Variants in ZNF423 observed in about 807,000 individuals in gnomAD.
The protein encoded by ZNF423 is Ebf-associated zinc finger protein.
Under a neutral mutation model 95.8 loss-of-function variants are expected in ZNF423, and 12 were observed. The ratio of observed to expected loss-of-function variants is 0.13; its 90% CI spans 0.08 to 0.20. ZNF423 has a LOEUF of 0.20. Ranked by LOEUF, ZNF423 falls within the 10% of genes least tolerant of loss-of-function variation. ZNF423 has a pLI of 1.00. For synonymous variants in ZNF423, 749 were observed against 711.9 expected (o/e 1.05, Z -0.83); for missense variants, 1,316 against 1,737.1 (o/e 0.76, Z 4.31).
chr16:49,649,169 G>A (rs1286330898), intron 3 of ZNF423, among the ~76,000 whole-genome samples: 2 of 152,136 alleles, frequency 1.3e-5, no homozygotes, highest in Non-Finnish European at 2.9e-5. Flanking sequence ...GGGGAAAAAA[G>A]GGATGACTAA....
At chr16:49,677,235 A>G (rs974943604) in intron 3 of ZNF423, among the ~76,000 whole-genome samples, 1 of 13,504 alleles carries the variant, frequency 7.4e-5, no homozygotes, top group East Asian at 2.9e-3. Context: ...AGAAAAGAGA[A>G]GAGAAGAGAA....
At chr16:49,531,689 C>T (rs1276854885) in intron 5 of ZNF423, among the ~76,000 whole-genome samples, 3 of 152,138 alleles carry the variant, frequency 2.0e-5, no homozygotes, top group Non-Finnish European at 1.5e-5. Flanking sequence ...GAGAGAGTGA[C>T]ATTTAGGCTG....
intron 3 of ZNF423, among the ~76,000 whole-genome samples, chr16:49,660,530 A>T (rs757277195): frequency 6.6e-6 from 1 of 152,160 alleles, no homozygotes; most frequent in Non-Finnish European, 1.5e-5. Flanking sequence ...TATAAGCCTG[A>T]CCTGACCACC....
intron 7 of ZNF423, among the ~76,000 whole-genome samples, chr16:49,498,564 G>C (rs929243293): frequency 6.6e-6 from 1 of 152,182 alleles, no homozygotes; most frequent in Non-Finnish European, 1.5e-5. Context: ...TGGAGTTACA[G>C]GAGAGGCAAG....
chr16:49,626,358 C>A, intron 4 of ZNF423, 104 bp from the exon 5 acceptor site: 3 of 987,648 alleles, frequency 3.0e-6, no homozygotes, highest in South Asian at 1.4e-5. Context: ...CAGAATGGTT[C>A]CAGTCCCCTC....
chr16:49,583,896 T>G (rs1210134541), intron 5 of ZNF423, among the ~76,000 whole-genome samples: 1 of 152,200 alleles, frequency 6.6e-6, no homozygotes, highest in East Asian at 1.9e-4. Flanking sequence ...TTCTTTTAAA[T>G]TATGGACTGG....
intron 2 of ZNF423, among the ~76,000 whole-genome samples, chr16:49,782,425 GACGGTTCCTATTAACCAGAGCAAGAAGA>G (rs2034227263): frequency 2.0e-5 from 3 of 152,240 alleles, no homozygotes; most frequent in African/African-American, 7.2e-5. Flanking sequence ...AAATGGGAGT[GACGGTTCCTATTAACCAGAGCAAGAAGA>G]CCTGTCCCAT....
intron 1 of ZNF423, among the ~76,000 whole-genome samples, chr16:49,841,569 G>C (rs2035183022): frequency 6.6e-6 from 1 of 152,096 alleles, no homozygotes; most frequent in South Asian, 2.1e-4. Flanking sequence ...CCATCCCTCA[G>C]GGACCAAATA....
chr16:49,815,874 AAAAAAAAATATATATATATATAT>A (rs1567356033), intron 1 of ZNF423, among the ~76,000 whole-genome samples: 7 of 60,362 alleles, frequency 1.2e-4, no homozygotes, highest in African/African-American at 2.3e-4. Context: ...AACAAACAAA[AAAAAAAAATATATATATATATAT>A]ATATATATAT....
chr16:49,741,542 C>T (rs538385855), intron 2 of ZNF423, among the ~76,000 whole-genome samples: 2 of 152,142 alleles, frequency 1.3e-5, no homozygotes, highest in South Asian at 2.1e-4. Flanking sequence ...GGAAATCCAC[C>T]GTTCTCTATA....
At position 49,517,326 on chromosome 16, in the gene ZNF423, G is replaced by T. The variant is rs368019658; in HGVS notation, c.3849+6298C>A. ...CCCCTGTTCTGAGTTGGCGCCCACT[G>T]CCAAAAGTCTTGGAGCCACCTGAAG... On this transcript the variant is annotated intron_variant, in intron 7 of 7. Transcript: ENST00000563137. 2.6e-5 allele frequency among the ~76,000 whole-genome samples: 4 copies of T among 152,304 alleles called. No individual in the cohort carries two copies. The East Asian group carries it at 7.7e-4, about 29-fold the overall frequency.
rs549360653 is a variant in ZNF423 at position 49,719,589 on chromosome 16, C to T, written c.301+11182G>A. Among the ~76,000 whole-genome samples, 14 of 152,128 alleles carry T rather than the reference C, an allele frequency of 9.2e-5. No individual in the cohort carries two copies. The South Asian group carries it at 2.9e-3, about 32-fold the overall frequency. ...GATTAGATCATGGGGGCAGATTTCC[C>T]CCTTGCTGTGCTGGTGATGAGTGAG... On this transcript the variant is annotated intron_variant, in intron 3 of 7. Transcript: ENST00000563137.
At chr16:49,681,843 G>A (rs965723993) in intron 3 of ZNF423, among the ~76,000 whole-genome samples, 4 of 152,192 alleles carry the variant, frequency 2.6e-5, no homozygotes, top group East Asian at 1.9e-4. Context: ...ATGGTTCACT[G>A]CAGCCTCCAC....
At chr16:49,644,658 CAAAAAAAAAAAAAAAAAAAAAAAA>C (rs56066766) in intron 3 of ZNF423, among the ~76,000 whole-genome samples, 2 of 39,566 alleles carry the variant, frequency 5.1e-5, no homozygotes, top group East Asian at 1.3e-3. Flanking sequence ...AACTCTGACT[CAAAAAAAAAAAAAAAAAAAAAAAA>C]AAAAAAAAAA....
intron 5 of ZNF423, among the ~76,000 whole-genome samples, chr16:49,557,740 C>A (rs145180225): frequency 6.6e-6 from 1 of 152,164 alleles, no homozygotes. Context: ...ATGAAGGCCT[C>A]AAGGATGGTA....
intron 5 of ZNF423, among the ~76,000 whole-genome samples, chr16:49,587,813 C>T (rs1402861857): frequency 6.6e-6 from 1 of 152,088 alleles, no homozygotes; most frequent in East Asian, 1.9e-4. Flanking sequence ...GTACTTATCA[C>T]CTAAGAATTA....
intron 5 of ZNF423, among the ~76,000 whole-genome samples, chr16:49,600,194 C>T (rs1462391725): frequency 6.6e-6 from 1 of 151,984 alleles, no homozygotes; most frequent in African/African-American, 2.4e-5. Flanking sequence ...TGCCTGTAAT[C>T]CCAGCTACTC....
At chr16:49,649,974 G>A (rs981844875) in intron 3 of ZNF423, among the ~76,000 whole-genome samples, 2 of 152,182 alleles carry the variant, frequency 1.3e-5, no homozygotes, top group Admixed American at 6.5e-5. Flanking sequence ...AGTTTCTTAC[G>A]AATGGGATCT....
chr16:49,797,258 C>G (rs895769961), intron 1 of ZNF423, among the ~76,000 whole-genome samples: 4 of 152,056 alleles, frequency 2.6e-5, no homozygotes, highest in African/African-American at 9.7e-5. Context: ...GGAGGCCAAG[C>G]AGGTAGAGCG....
Sources: allele counts gnomAD v4.1 joint callset (sites outside exome capture counted in the v4.1 genomes callset), GRCh38; gene constraint gnomAD v4.1.1; transcripts MANE v1.5; gene names NCBI Gene and HGNC (gene_info 2026-07-23, HGNC 2026-07-21).